The following IFT27 variants were observed in gnomAD, a reference collection of about 807,000 sequenced individuals.
IFT27 encodes the protein intraflagellar transport 27.
In IFT27, 19 loss-of-function variants were observed where a neutral mutation model predicts 23.9. That is an observed-to-expected ratio of 0.79 (90% CI 0.55 to 1.16). The LOEUF is 1.16. Among genes scored for constraint, IFT27 ranks in the 50% most tolerant of loss-of-function variants. The pLI is 0.00. For missense variants in IFT27, 206 were observed against 228.7 expected (o/e 0.90, Z 0.64); for synonymous variants, 91 against 89.1 (o/e 1.02, Z -0.12).
At chr22:36,759,987 G>A (rs1340300721) in intron 6 of IFT27, 2 of 152,312 alleles carry the variant, frequency 1.3e-5, no homozygotes, top group African/African-American at 4.8e-5. Context: ...AGTTGGCCAA[G>A]AGGAAAGACA....
Position 36,763,018 on chromosome 22 carries a change from T to G in IFT27, c.353-5A>C. The stretch of plus-strand genomic sequence containing the variant: ...TCTTGTTCCCAACTAAAACACCTAC[T>G]CAGAAGAAACAACCAAAATATGGCA... On this transcript the variant is annotated splice_region_variant and splice_polypyrimidine_tract_variant and intron_variant, in intron 5 of 6. Coordinates refer to ENST00000433985, the MANE Select transcript of IFT27 (RefSeq NM_001177701.3). The G allele has an allele frequency of 1.9e-6, 3 of 1,588,410 alleles. No individual in the cohort carries two copies. The South Asian group carries it at 3.5e-5, about 18-fold the overall frequency.
At chr22:36,769,984 GAT>G (rs1274301048) in intron 1 of IFT27, among the ~76,000 whole-genome samples, 1 of 152,210 alleles carries the variant, frequency 6.6e-6, no homozygotes, top group African/African-American at 2.4e-5. Context: ...TGAAATAACT[GAT>G]AAACACATTT....
intron 6 of IFT27, chr22:36,758,778 C>A: frequency 4.7e-6 from 1 of 213,410 alleles, no homozygotes; most frequent in Non-Finnish European, 9.6e-6. Context: ...AGCAAAATAC[C>A]AAGGAACCTG....
In IFT27 at chr22:36,758,419, C is replaced by T. The variant is rs1172622021; in HGVS notation, c.463-10G>A. The T allele has an allele frequency of 1.2e-6, 2 of 1,610,090 alleles. No individual in the cohort carries two copies. Among genetic ancestry groups the T allele is most frequent in the South Asian group, 1.1e-5 (1 of 90,972 alleles). On this transcript the variant is annotated splice_polypyrimidine_tract_variant and intron_variant, in intron 6 of 6. Transcript: ENST00000433985. ...AGTTTTCCATCTCTTTCTGGAAAGA[C>T]AGTTTAAAAAGTTGGCTGTGTTCTT...
At chr22:36,769,757 G>T (rs739003) in intron 1 of IFT27, among the ~76,000 whole-genome samples, 2 of 152,246 alleles carry the variant, frequency 1.3e-5, no homozygotes, top group South Asian at 4.1e-4. Context: ...CAAACAGAGC[G>T]CATCGCTTTC....
At chr22:36,766,415 C>T (rs1938251867) in intron 3 of IFT27, 1 of 546,326 alleles carries the variant, frequency 1.8e-6, no homozygotes, top group Non-Finnish European at 3.3e-6. Context: ...GGTTCTCGCA[C>T]CAACCAGCAC....
rs202105304 is a variant in IFT27 at position 36,766,145 on chromosome 22, T to C, written c.227A>G (p.Asp76Gly). 10 of 1,613,908 alleles carry C rather than the reference T, an allele frequency of 6.2e-6. No individual in the cohort carries two copies. Among genetic ancestry groups the C allele is most frequent in the South Asian group, 1.1e-5 (1 of 91,080 alleles). The change falls in exon 4 of 7, where the codon GAT becomes GGT. Residue 76 changes from aspartate to glycine, a missense_variant. By Grantham distance (94) the Asp-to-Gly change is moderately conservative. Transcript: ENST00000433985. Reference protein sequence around the residue: ...AGKELFSEMLDKLWESPNVLC... With the variant: ...AGKELFSEMLGKLWESPNVLC... The stretch of plus-strand genomic sequence containing the variant: ...AGACCACGTGCTACTTGCCAATTTA[T>C]CCAGCATTTCCGAAAACAGCTCCTT...
At chr22:36,771,298 C>T (rs1473548554) in intron 1 of IFT27, among the ~76,000 whole-genome samples, 3 of 152,224 alleles carry the variant, frequency 2.0e-5, no homozygotes. Flanking sequence ...AGTCCTCTAG[C>T]ACCAGTGTCA....
chr22:36,775,569 A>G, intron 1 of IFT27, 105 bp downstream of exon 1: 1 of 1,225,422 alleles, frequency 8.2e-7, no homozygotes, highest in South Asian at 1.2e-5. Context: ...TTTGGGAGAG[A>G]GAAAGGAAAA....
chr22:36,762,897 TACTC>T lies in IFT27; in HGVS notation c.462+3_462+6del. 6.5e-7 allele frequency: 1 copy of T among 1,541,126 alleles called. No homozygotes were observed. Among genetic ancestry groups the T allele is most frequent in the Non-Finnish European group, 8.8e-7 (1 of 1,132,710 alleles). On this transcript the variant is annotated splice_donor_5th_base_variant and intron_variant, in intron 6 of 6. Transcript: ENST00000433985. ...GACTTGGCGACGAGGCAAGTGGAAA[TACTC>T]ACCACGGATGTTTCAAAACATTCCA...
At chr22:36,769,616 A>C (rs1227084523) in intron 1 of IFT27, among the ~76,000 whole-genome samples, 1 of 152,012 alleles carries the variant, frequency 6.6e-6, no homozygotes, top group Non-Finnish European at 1.5e-5. Context: ...CTGCCTGCCA[A>C]AGTGCTGGGA....
chr22:36,763,144 C>A (rs1332217540), intron 5 of IFT27, 131 bp from the exon 6 acceptor site: 5 of 554,890 alleles, frequency 9.0e-6, no homozygotes, highest in African/African-American at 7.8e-5. Flanking sequence ...AGGTGGTGAG[C>A]CCCCCCACAG....
At chr22:36,770,093 A>C (rs1938356485) in intron 1 of IFT27, among the ~76,000 whole-genome samples, 2 of 152,218 alleles carry the variant, frequency 1.3e-5, no homozygotes, top group Non-Finnish European at 2.9e-5. Flanking sequence ...GAGAGGATTC[A>C]CTGGGGAGGG....
chr22:36,758,508 C>T (rs1334197168), intron 6 of IFT27, 99 bp from the exon 7 acceptor site: 5 of 882,402 alleles, frequency 5.7e-6, no homozygotes, highest in African/African-American at 1.7e-5. Flanking sequence ...ACCTACTTTC[C>T]ACCTCATTTC....
At chr22:36,768,250 G>A (rs1938305310) in intron 1 of IFT27, 20 of 367,386 alleles carry the variant, frequency 5.4e-5, no homozygotes, top group South Asian at 4.1e-4. Flanking sequence ...AGTGTGACTG[G>A]CACTGACAGG....
In IFT27 at chr22:36,770,437, C is replaced by G. The variant is rs535354462; in HGVS notation, c.35-2575G>C. On this transcript the variant is annotated intron_variant, in intron 1 of 6. Transcript: ENST00000433985. ...GCGGCGCTCTGCTCCTAGTCCACTCCGTCCCACTGACTCTCATCACCTTGA... is the reference window on the plus strand; with the variant it reads ...GCGGCGCTCTGCTCCTAGTCCACTCGGTCCCACTGACTCTCATCACCTTGA... Among the ~76,000 whole-genome samples the G allele has an allele frequency of 7.9e-5, 12 of 152,292 alleles. No individual in the cohort carries two copies. The South Asian group carries it at 2.1e-3, about 26-fold the overall frequency.
intron 4 of IFT27, among the ~76,000 whole-genome samples, chr22:36,765,215 C>A (rs1938213743): frequency 6.6e-6 from 1 of 152,214 alleles, no homozygotes; most frequent in South Asian, 2.1e-4. Flanking sequence ...AAGAAATCCT[C>A]CTTCTTCCAG....
In IFT27 at chr22:36,775,667, G is replaced by A; in HGVS notation, c.34+7C>T. The A allele has an allele frequency of 6.2e-7, 1 of 1,614,104 alleles. No homozygotes were observed. Among genetic ancestry groups the A allele is most frequent in the Non-Finnish European group, 8.5e-7 (1 of 1,179,998 alleles). ...CACCGTATTCAAGCGCAAGTTTTCA[G>A]ACTCACCTGCCAGGATGCATTTGGC... On this transcript the variant is annotated splice_region_variant and intron_variant, in intron 1 of 6. Transcript: ENST00000433985.
At chr22:36,768,338 TGGAA>T (rs1275363512) in intron 1 of IFT27, 1 of 334,916 alleles carries the variant, frequency 3.0e-6, no homozygotes, top group Non-Finnish European at 5.9e-6. Flanking sequence ...GCGTGGGGGG[TGGAA>T]GGGTCTCTGC....
Sources: allele counts gnomAD v4.1 joint callset (sites outside exome capture counted in the v4.1 genomes callset), GRCh38; gene constraint gnomAD v4.1.1; transcripts MANE v1.5; gene names NCBI Gene and HGNC (gene_info 2026-07-23, HGNC 2026-07-21).